TNS3: variants seen among roughly 807,000 people sequenced by gnomAD.
TNS3 encodes tensin 3.
In TNS3, 45 loss-of-function variants were observed where a neutral mutation model predicts 140.9. The ratio of observed to expected loss-of-function variants is 0.32; its 90% CI spans 0.25 to 0.41. The LOEUF (loss-of-function observed/expected upper bound fraction) is 0.41, where lower values mean the gene tolerates loss of function less well. Ranked by LOEUF, TNS3 falls within the 10% of genes least tolerant of loss-of-function variation. The probability of loss-of-function intolerance (pLI) is 1.00; values close to 1 mark genes in which losing one functional copy is unlikely to be tolerated. For missense variants in TNS3, 1,716 were observed against 1,906.7 expected (o/e 0.90, Z 1.86); for synonymous variants, 815 against 788.4 (o/e 1.03, Z -0.56).
intron 1 of TNS3, among the ~76,000 whole-genome samples, chr7:47,578,218 C>G (rs1188109904): frequency 6.6e-6 from 1 of 151,878 alleles, no homozygotes; most frequent in Non-Finnish European, 1.5e-5. Flanking sequence ...GAGGCTGAGG[C>G]TGAATTGCTT....
chr7:47,295,747 C>T (rs373922104), intron 24 of TNS3, among the ~76,000 whole-genome samples: 1 of 152,162 alleles, frequency 6.6e-6, no homozygotes, highest in Non-Finnish European at 1.5e-5. Context: ...CAAAATGAAC[C>T]CATCTATGTT....
At chr7:47,283,976 C>T in intron 27 of TNS3, 111 bp from the exon 28 acceptor site, 2 of 1,059,792 alleles carry the variant, frequency 1.9e-6, no homozygotes, top group East Asian at 2.7e-5. Context: ...ACAACTTGCG[C>T]ATGTGGCCTA....
chr7:47,477,867 G>T (rs1009642627), intron 4 of TNS3, among the ~76,000 whole-genome samples: 38 of 152,284 alleles, frequency 2.5e-4, no homozygotes, highest in Admixed American at 1.3e-4. Flanking sequence ...TAAATGGGGG[G>T]GTCTGCTTCT....
At chr7:47,494,736 A>G (rs1450555972) in intron 3 of TNS3, among the ~76,000 whole-genome samples, 1 of 152,226 alleles carries the variant, frequency 6.6e-6, no homozygotes, top group Non-Finnish European at 1.5e-5. Flanking sequence ...GAACTCCGCC[A>G]GCTGCTCCCG....
intron 27 of TNS3, among the ~76,000 whole-genome samples, chr7:47,286,500 T>C (rs1000511158): frequency 6.6e-6 from 1 of 152,088 alleles, no homozygotes; most frequent in Non-Finnish European, 1.5e-5. Flanking sequence ...CCAATGCCAC[T>C]TGACAGGTGC....
intron 12 of TNS3, among the ~76,000 whole-genome samples, chr7:47,413,314 T>C (rs142682301): frequency 0.014 from 1,945 of 136,582 alleles, 47 homozygotes; most frequent in African/African-American, 0.05. Context: ...TGCAGTGGTG[T>C]GATCTCGGCT....
rs185462938 is a variant in TNS3, at chr7:47,420,655, G to A, written c.473+3446C>T. Among the ~76,000 whole-genome samples the A allele has an allele frequency of 2.0e-5, 3 of 152,304 alleles. No individual in the cohort carries two copies. In the East Asian group the frequency reaches 5.8e-4, roughly 29 times the overall value. Reference sequence around the variant, plus strand: ...CCAGCCTATAAAGTCTAGGACCAAGGTTAAACACCACACTTGACCTTCATG... The same window carrying A: ...CCAGCCTATAAAGTCTAGGACCAAGATTAAACACCACACTTGACCTTCATG... On this transcript the variant is annotated intron_variant, in intron 10 of 30. Coordinates refer to ENST00000311160, the MANE Select transcript of TNS3 (RefSeq NM_022748.12).
chr7:47,305,098 C>T (rs554760991), intron 20 of TNS3, 95 bp from the exon 21 acceptor site: 1 of 1,056,806 alleles, frequency 9.5e-7, no homozygotes, highest in African/African-American at 1.6e-5. Context: ...AGAAACAGTG[C>T]TGACTTTGAG....
intron 1 of TNS3, among the ~76,000 whole-genome samples, chr7:47,541,690 T>G (rs1179908926): frequency 6.6e-6 from 1 of 152,126 alleles, no homozygotes; most frequent in Non-Finnish European, 1.5e-5. Flanking sequence ...GACTCACGCC[T>G]GTAATCCCAG....
chr7:47,546,640 T>G (rs981982190), intron 1 of TNS3, among the ~76,000 whole-genome samples: 1 of 149,898 alleles, frequency 6.7e-6, no homozygotes, highest in Non-Finnish European at 1.5e-5. Flanking sequence ...CCTCCTTATT[T>G]AAAAAAAAAA....
At chr7:47,447,858 A>T (rs1795827241) in intron 4 of TNS3, among the ~76,000 whole-genome samples, 1 of 152,220 alleles carries the variant, frequency 6.6e-6, no homozygotes, top group African/African-American at 2.4e-5. Context: ...TATGAGAACC[A>T]TGCTTTCCAC....
At chr7:47,278,354 C>G in intron 30 of TNS3, 134 bp from the exon 31 acceptor site, 1 of 974,502 alleles carries the variant, frequency 1.0e-6, no homozygotes, top group African/African-American at 1.6e-5. Flanking sequence ...GTGCCCAGCA[C>G]CCTGCTGGCC....
intron 3 of TNS3, among the ~76,000 whole-genome samples, chr7:47,500,459 T>A (rs923069527): frequency 6.6e-6 from 1 of 152,316 alleles, no homozygotes; most frequent in Middle Eastern, 3.4e-3. Context: ...CCCTGTCACC[T>A]GTAAGAGGGA....
chr7:47,563,215 G>GCC (rs972191502), intron 1 of TNS3, among the ~76,000 whole-genome samples: 3 of 152,182 alleles, frequency 2.0e-5, no homozygotes, highest in African/African-American at 7.2e-5. Flanking sequence ...CCTGCCTGGA[G>GCC]CCCCCCTTCA....
At chr7:47,532,070 C>CA (rs565295212) in intron 1 of TNS3, among the ~76,000 whole-genome samples, 312 of 152,304 alleles carry the variant, frequency 2.0e-3, no homozygotes, top group African/African-American at 7.3e-3. Flanking sequence ...GAAGCCCCCC[C>CA]CCGCCCACCA....
chr7:47,523,273 C>T lies in TNS3; in HGVS notation c.-153+5763G>A, dbSNP rs935947696. ...AAAACATATCACCTCCCCAAGGCCC[C>T]ATCTCCTAATGCCACCATCCCATGG... On this transcript the variant is annotated intron_variant, in intron 2 of 30. Coordinates refer to ENST00000311160, the MANE Select transcript of TNS3 (RefSeq NM_022748.12). 2.0e-5 allele frequency among the ~76,000 whole-genome samples: 3 copies of T among 152,194 alleles called. No homozygotes were observed. In the South Asian group the frequency reaches 6.2e-4, roughly 32 times the overall value.
At chr7:47,581,048 T>C (rs999904406) in intron 1 of TNS3, among the ~76,000 whole-genome samples, 2 of 152,126 alleles carry the variant, frequency 1.3e-5, no homozygotes, top group African/African-American at 4.8e-5. Flanking sequence ...CACACCCTGA[T>C]GGCGCTTTGA....
chr7:47,448,929 G>A (rs1795884572), intron 4 of TNS3, among the ~76,000 whole-genome samples: 1 of 152,308 alleles, frequency 6.6e-6, no homozygotes, highest in Non-Finnish European at 1.5e-5. Flanking sequence ...TCTTGGGCCA[G>A]GGCACTCATG....
intron 2 of TNS3, among the ~76,000 whole-genome samples, chr7:47,516,773 C>T (rs374120761): frequency 1.4e-4 from 21 of 152,328 alleles, no homozygotes; most frequent in African/African-American, 4.3e-4. Context: ...AAAAATCTAG[C>T]TCTTGTGGGT....
Sources: allele counts gnomAD v4.1 joint callset (sites outside exome capture counted in the v4.1 genomes callset), GRCh38; gene constraint gnomAD v4.1.1; transcripts MANE v1.5; gene names NCBI Gene and HGNC (gene_info 2026-07-23, HGNC 2026-07-21).